Variants in SNN observed in about 807,000 individuals in gnomAD.
SNN encodes the protein AG8_1.
Under a neutral mutation model 5.3 loss-of-function variants are expected in SNN, and 5 were observed. The ratio of observed to expected loss-of-function variants is 0.94; its 90% CI spans 0.49 to 1.97. The LOEUF (loss-of-function observed/expected upper bound fraction) is 1.97, where lower values mean the gene tolerates loss of function less well. Among genes scored for constraint, SNN ranks in the 30% most tolerant of loss-of-function variants. The pLI is 0.01. For synonymous variants in SNN, 67 were observed against 52.1 expected (o/e 1.29, Z -1.24); for missense variants, 127 against 121.6 (o/e 1.04, Z -0.21).
chr16:11,676,308 C>T lies in SNN; in HGVS notation c.249C>T (p.Gly83=). 2.5e-6 allele frequency: 4 copies of T among 1,613,320 alleles called. No individual in the cohort carries two copies. The Middle Eastern group carries it at 6.6e-4, about 267-fold the overall frequency. ...AGGCCAAGCTGATGACTCCCAACGG[C>T]CCGGAAGTCCACGGCTGAGCCAGGA... The part of the protein sequence containing the change: ...ERKAKLMTPN[G]PEVHG The change falls in exon 2 of 2, where the codon GGC becomes GGT. Residue 83 remains glycine (G), a synonymous_variant. Coordinates refer to ENST00000329565, the MANE Select transcript of SNN (RefSeq NM_003498.6).
rs1392424160 is a variant in SNN, at chr16:11,671,938, A to C, written c.-86+3398A>C. ...CCTTCCATGGGCTCAGGCCTGCCCT[A>C]ATCCACTGGCACTCGCCGTTCTGTC... On this transcript the variant is annotated intron_variant, in intron 1 of 1. Coordinates refer to ENST00000329565, the MANE Select transcript of SNN (RefSeq NM_003498.6). The surrounding 1 kb of genome is among the most constrained non-coding windows in gnomAD (Gnocchi z 4.7). Among the ~76,000 whole-genome samples, 1 of 152,202 alleles carries C rather than the reference A, an allele frequency of 6.6e-6. No individual in the cohort carries two copies. Among genetic ancestry groups the C allele is most frequent in the East Asian group, 1.9e-4 (1 of 5,192 alleles).
In SNN at chr16:11,675,998, C is replaced by T. The variant is rs2050300487; in HGVS notation, c.-62C>T. On this transcript the variant is annotated 5_prime_UTR_variant, in exon 2 of 2. Coordinates refer to ENST00000329565, the MANE Select transcript of SNN (RefSeq NM_003498.6). ...AGGACTCCCGTGTCCAGCCTGAGTT[C>T]CAGCCTCACTGAGTGGCCACCCCCA... 6 of 1,518,988 alleles carry T rather than the reference C, an allele frequency of 4.0e-6. No homozygotes were observed. Among genetic ancestry groups the T allele is most frequent in the Non-Finnish European group, 5.3e-6 (6 of 1,132,278 alleles). The allele number at this position is 1,518,988 out of a possible 1,614,324, so 94.1% of individuals were successfully genotyped here.
rs568743565 is a variant in SNN at position 11,678,486 on chromosome 16, G to A, written c.*2160G>A. On this transcript the variant is annotated 3_prime_UTR_variant, in exon 2 of 2. Transcript: ENST00000329565. ...TGACCAGCGCTCGATTGTCAGCCTT[G>A]GCCTGGGGTTTTGACCTTGCCAGTG... 6.0e-6 allele frequency: 1 copy of A among 167,198 alleles called. No individual in the cohort carries two copies. Among genetic ancestry groups the A allele is most frequent in the East Asian group, 1.9e-4 (1 of 5,188 alleles). 10.4% of individuals were successfully genotyped at this position (167,198 alleles called of 1,614,324 possible). A position where few individuals can be genotyped will look rare whatever the true frequency, so the allele number is the denominator to read the frequency against.
At chr16:11,675,247 C>CT (rs71136677) in intron 1 of SNN, among the ~76,000 whole-genome samples, 63 of 136,792 alleles carry the variant, frequency 4.6e-4, no homozygotes, top group South Asian at 4.0e-3. Flanking sequence ...ATTTCTTTTT[C>CT]TTTTTTTTTT....
At chr16:11,670,549 C>G (rs1320299997) in intron 1 of SNN, among the ~76,000 whole-genome samples, 2 of 152,226 alleles carry the variant, frequency 1.3e-5, no homozygotes, top group African/African-American at 4.8e-5. Flanking sequence ...ACATGCAAAC[C>G]TGGTGACCTC....
rs1051980713 is a variant in SNN, at chr16:11,671,789, G to C, written c.-86+3249G>C. 4.9e-4 allele frequency among the ~76,000 whole-genome samples: 75 copies of C among 152,178 alleles called. No homozygotes were observed. The highest frequency in any genetic ancestry group is 1.7e-3 in the African/African-American group (69 of 41,442). Reference sequence around the variant, plus strand: ...AGGGGCTAGAAAGGAAGAACAGACAGGTGGGGTCCAGCCAGGCACAGGGGC... The same window carrying C: ...AGGGGCTAGAAAGGAAGAACAGACACGTGGGGTCCAGCCAGGCACAGGGGC... On this transcript the variant is annotated intron_variant, in intron 1 of 1. Transcript: ENST00000329565. This position sits in a 1 kb window ranked among gnomAD's most constrained non-coding sequence, Gnocchi z 4.7.
At chr16:11,669,380 T>G (rs2050251650) in intron 1 of SNN, among the ~76,000 whole-genome samples, 1 of 152,232 alleles carries the variant, frequency 6.6e-6, no homozygotes, top group Non-Finnish European at 1.5e-5. Context: ...CCGCGGCCCC[T>G]CAGGCACGCG....
intron 1 of SNN, among the ~76,000 whole-genome samples, chr16:11,675,759 C>T (rs988921246): frequency 3.3e-5 from 5 of 152,200 alleles, no homozygotes; most frequent in Non-Finnish European, 4.4e-5. Flanking sequence ...CCGGCTCTGC[C>T]GCCAGCGAGG....
chr16:11,668,822 CGCCCCCGCCCGTGCA>C lies in SNN; in HGVS notation c.-86+295_-86+309del, dbSNP rs1359047023. Reference sequence around the variant, plus strand: ...CGCTTTGTGGGGATCGCGGGGCGCTCGCCCCCGCCCGTGCAGCCCCCGCCCGTCCTCAGCTACGCT... The same window carrying C: ...CGCTTTGTGGGGATCGCGGGGCGCTCGCCCCCGCCCGTCCTCAGCTACGCT... On this transcript the variant is annotated intron_variant, in intron 1 of 1. Transcript: ENST00000329565. The surrounding 1 kb of genome is among the most constrained non-coding windows in gnomAD (Gnocchi z 6.8). Among the ~76,000 whole-genome samples the C allele has an allele frequency of 1.3e-5, 2 of 151,494 alleles. No homozygotes were observed. The highest frequency in any genetic ancestry group is 1.5e-5 in the Non-Finnish European group (1 of 67,774).
intron 1 of SNN, among the ~76,000 whole-genome samples, chr16:11,669,769 G>T (rs2050255411): frequency 6.6e-6 from 1 of 152,172 alleles, no homozygotes; most frequent in Non-Finnish European, 1.5e-5. Flanking sequence ...CTCTGGCCTG[G>T]CCCGAGGAAG....
chr16:11,671,395 C>A lies in SNN; in HGVS notation c.-86+2855C>A, dbSNP rs1390772538. 6.6e-6 allele frequency among the ~76,000 whole-genome samples: 1 copy of A among 152,054 alleles called. No homozygotes were observed. Among genetic ancestry groups the A allele is most frequent in the Non-Finnish European group, 1.5e-5 (1 of 67,996 alleles). The stretch of plus-strand genomic sequence containing the variant: ...TCCAGCCTGCCCAGAGATGGAAGGC[C>A]CAGGCTGTGCTCTGGGTCCTGGCCC... On this transcript the variant is annotated intron_variant, in intron 1 of 1. Transcript: ENST00000329565. The surrounding 1 kb of genome is among the most constrained non-coding windows in gnomAD (Gnocchi z 4.7).
Position 11,672,405 on chromosome 16 carries a change from G to T in SNN, c.-85-3570G>T, listed in dbSNP as rs2050271394. On this transcript the variant is annotated intron_variant, in intron 1 of 1. Coordinates refer to ENST00000329565, the MANE Select transcript of SNN (RefSeq NM_003498.6). The surrounding 1 kb of genome is among the most constrained non-coding windows in gnomAD (Gnocchi z 6.0). Reference sequence around the variant, plus strand: ...GGTGGTCTGGGAGGGCAGCCTGCAAGAGGCGCCTTCTGAGAAAGTCCCGAA... The same window carrying T: ...GGTGGTCTGGGAGGGCAGCCTGCAATAGGCGCCTTCTGAGAAAGTCCCGAA... Among the ~76,000 whole-genome samples the T allele has an allele frequency of 6.6e-6, 1 of 152,134 alleles. No homozygotes were observed.
rs762334774 is a variant in SNN, at chr16:11,676,269, G to C, written c.210G>C (p.Pro70=). Reference sequence around the variant, plus strand: ...TGGTGCAGTATTCGGCCAAGGGACCGTGCGTGGAGAGAAAGGCCAAGCTGA... The same window carrying C: ...TGGTGCAGTATTCGGCCAAGGGACCCTGCGTGGAGAGAAAGGCCAAGCTGA... The part of the protein sequence containing the change: ...FLLVQYSAKG[P]CVERKAKLMT... The change falls in exon 2 of 2, where the codon CCG becomes CCC. Residue 70 remains proline (P), a synonymous_variant. Coordinates refer to ENST00000329565, the MANE Select transcript of SNN (RefSeq NM_003498.6). 5.0e-6 allele frequency: 8 copies of C among 1,614,222 alleles called. No individual in the cohort carries two copies. The highest frequency in any genetic ancestry group is 3.3e-5 in the South Asian group (3 of 91,088).
chr16:11,675,499 T>G (rs8191322), intron 1 of SNN, among the ~76,000 whole-genome samples: 17,792 of 152,176 alleles, frequency 0.12, 1,370 homozygotes, highest in African/African-American at 0.2. Context: ...ACTCCTGGGC[T>G]CAAGTGATCT....
In SNN at chr16:11,678,419, C is replaced by G. The variant is rs1321486160; in HGVS notation, c.*2093C>G. The G allele has an allele frequency of 6.0e-6, 1 of 167,100 alleles. No individual in the cohort carries two copies. Among genetic ancestry groups the G allele is most frequent in the Non-Finnish European group, 1.5e-5 (1 of 68,144 alleles). The allele number at this position is 167,100 out of a possible 1,614,324, so 10.4% of individuals were successfully genotyped here. On this transcript the variant is annotated 3_prime_UTR_variant, in exon 2 of 2. Transcript: ENST00000329565. Reference sequence around the variant, plus strand: ...CCACACCTGAGGGACGCAGCAACAGCTAGGATCTGCATTTTCAGGTTCCGA... The same window carrying G: ...CCACACCTGAGGGACGCAGCAACAGGTAGGATCTGCATTTTCAGGTTCCGA...
Position 11,677,588 on chromosome 16 carries a change from C to T in SNN, c.*1262C>T, listed in dbSNP as rs1022108885. 1.2e-5 allele frequency: 2 copies of T among 167,074 alleles called. No homozygotes were observed. The highest frequency in any genetic ancestry group is 4.8e-5 in the African/African-American group (2 of 41,428). 10.3% of individuals were successfully genotyped at this position (167,074 alleles called of 1,614,324 possible). On this transcript the variant is annotated 3_prime_UTR_variant, in exon 2 of 2. Coordinates refer to ENST00000329565, the MANE Select transcript of SNN (RefSeq NM_003498.6). The surrounding 1 kb of genome is among the most constrained non-coding windows in gnomAD (Gnocchi z 4.2). Reference sequence around the variant, plus strand: ...TGAACTTGAAGTTCAGGACTTGACTCTCCCACAGGTGGTGAGCTGGTGGCT... The same window carrying T: ...TGAACTTGAAGTTCAGGACTTGACTTTCCCACAGGTGGTGAGCTGGTGGCT...
chr16:11,672,637 C>T lies in SNN; in HGVS notation c.-85-3338C>T, dbSNP rs8191292. Among the ~76,000 whole-genome samples, 5 of 152,276 alleles carry T rather than the reference C, an allele frequency of 3.3e-5. No individual in the cohort carries two copies. The East Asian group carries it at 7.7e-4, about 24-fold the overall frequency. ...GTGAATGAAGGAACAGATACGCACT[C>T]GGGAGGGCCGGACCACAGGCCAGGC... On this transcript the variant is annotated intron_variant, in intron 1 of 1. Transcript: ENST00000329565. This position sits in a 1 kb window ranked among gnomAD's most constrained non-coding sequence, Gnocchi z 6.0.
At chr16:11,675,456 G>A (rs186017118) in intron 1 of SNN, among the ~76,000 whole-genome samples, 1 of 152,126 alleles carries the variant, frequency 6.6e-6, no homozygotes, top group African/African-American at 2.4e-5. Context: ...TAGTAGATAC[G>A]AGGTTTCACT....
Position 11,676,256 on chromosome 16 carries a change from C to G in SNN, c.197C>G (p.Ser66Trp), listed in dbSNP as rs2050303277. Residue 66 changes from serine to tryptophan, a missense_variant, in exon 2 of 2, where the codon TCG (serine) becomes TGG (tryptophan). Coordinates refer to ENST00000329565, the MANE Select transcript of SNN (RefSeq NM_003498.6). ...TKEPFLLVQY[S>W]AKGPCVERKA... The stretch of plus-strand genomic sequence containing the variant: ...GAACCCTTCCTGCTGGTGCAGTATT[C>G]GGCCAAGGGACCGTGCGTGGAGAGA... 6.2e-7 allele frequency: 1 copy of G among 1,614,194 alleles called. No individual in the cohort carries two copies. Among genetic ancestry groups the G allele is most frequent in the Non-Finnish European group, 8.5e-7 (1 of 1,180,034 alleles).
Sources: gnomAD v4.1 joint callset for allele counts (sites outside exome capture counted in the v4.1 genomes callset) on GRCh38, gnomAD v4.1.1 for gene constraint, Gnocchi (gnomAD v3.1) non-coding constraint, MANE v1.5 for transcripts, NCBI Gene and HGNC (gene_info 2026-07-23, HGNC 2026-07-21) for gene names.